PBX3: variants seen among roughly 807,000 people sequenced by gnomAD.
PBX3 encodes pre-B-cell leukemia transcription factor 3.
Under a neutral mutation model 48.5 loss-of-function variants are expected in PBX3, and 14 were observed. The ratio of observed to expected loss-of-function variants is 0.29; its 90% confidence interval spans 0.19 to 0.45. The LOEUF is 0.45. PBX3 is among the 20% of genes least tolerant of loss of function. The pLI is 1.00. For missense variants in PBX3, 386 were observed against 546.7 expected, an observed-to-expected ratio of 0.71 and a Z score of 2.93; for synonymous variants, 210 against 200.3, an observed-to-expected ratio of 1.05 and a Z score of -0.41.
At chr9:125,843,796 C>CTTCT (rs1310081071) in intron 2 of PBX3, 65 of 455,768 alleles carry the variant, frequency 1.4e-4, no homozygotes, top group African/African-American at 1.3e-3. Context: ...GCTGAGAGAA[C>CTTCT]GTCTGGGAGA....
At chr9:125,778,697 C>T (rs1588136738) in intron 2 of PBX3, among the ~76,000 whole-genome samples, 2 of 149,076 alleles carry the variant, frequency 1.3e-5, no homozygotes, top group African/African-American at 5.0e-5. Context: ...TGTGTAGACA[C>T]AGCCCGTGTC....
intron 2 of PBX3, among the ~76,000 whole-genome samples, chr9:125,872,715 A>G (rs1840155373): frequency 1.3e-5 from 2 of 151,926 alleles, no homozygotes; most frequent in South Asian, 4.2e-4. Context: ...ACCTATGATC[A>G]TGCCACTGCA....
chr9:125,962,046 T>C, intron 6 of PBX3, 56 bp from the exon 7 acceptor site: 1 of 863,066 alleles, frequency 1.2e-6, no homozygotes, highest in Admixed American at 1.8e-5. Context: ...TCTAGGTCTT[T>C]GAGGATTATG....
At chr9:125,917,044 T>C (rs1588293484) in intron 3 of PBX3, among the ~76,000 whole-genome samples, 1 of 152,142 alleles carries the variant, frequency 6.6e-6, no homozygotes, top group South Asian at 2.1e-4. Flanking sequence ...GCCACTCTTA[T>C]TTTGTGTACC....
intron 2 of PBX3, among the ~76,000 whole-genome samples, chr9:125,872,474 TCAGATAAAG>T (rs1840147830): frequency 6.6e-6 from 1 of 152,106 alleles, no homozygotes; most frequent in Non-Finnish European, 1.5e-5. Context: ...CTATGTGATA[TCAGATAAAG>T]TAAACTTGAA....
At chr9:125,929,022 T>C (rs1234347899) in intron 3 of PBX3, among the ~76,000 whole-genome samples, 1 of 152,246 alleles carries the variant, frequency 6.6e-6, no homozygotes, top group Non-Finnish European at 1.5e-5. Flanking sequence ...CATACTGTTA[T>C]TTCTAGTACC....
chr9:125,786,305 T>C (rs1055774000), intron 2 of PBX3, among the ~76,000 whole-genome samples: 8 of 151,826 alleles, frequency 5.3e-5, no homozygotes, highest in Admixed American at 2.0e-4. Flanking sequence ...TCAGGGAGAG[T>C]TCCAGGGCAT....
intron 5 of PBX3, among the ~76,000 whole-genome samples, chr9:125,959,319 T>G (rs1480118074): frequency 2.0e-5 from 3 of 152,364 alleles, no homozygotes; most frequent in Admixed American, 2.0e-4. Flanking sequence ...GGGCTTTGGC[T>G]TGTTTCTGTC....
At chr9:125,872,847 A>G (rs1840158900) in intron 2 of PBX3, among the ~76,000 whole-genome samples, 2 of 151,436 alleles carry the variant, frequency 1.3e-5, no homozygotes, top group Admixed American at 1.3e-4. Context: ...TAGACAGGAG[A>G]AGTGTAACAA....
intron 2 of PBX3, among the ~76,000 whole-genome samples, chr9:125,908,715 A>G (rs369366185): frequency 1.3e-5 from 2 of 152,098 alleles, no homozygotes; most frequent in East Asian, 1.9e-4. Flanking sequence ...CCCCCGACTT[A>G]GATTCTGAAG....
At chr9:125,955,237 C>T (rs1469008525) in intron 5 of PBX3, among the ~76,000 whole-genome samples, 2 of 152,094 alleles carry the variant, frequency 1.3e-5, no homozygotes, top group Non-Finnish European at 2.9e-5. Flanking sequence ...GGAGAACCTG[C>T]GAGCCCCCCT....
intron 2 of PBX3, among the ~76,000 whole-genome samples, chr9:125,793,366 A>AAAAAAAT (rs59271982): frequency 7.0e-4 from 71 of 101,942 alleles, no homozygotes; most frequent in African/African-American, 2.5e-3. Context: ...GGAAAAAAAA[A>AAAAAAAT]ATATATATAT....
intron 2 of PBX3, among the ~76,000 whole-genome samples, chr9:125,891,245 A>G (rs1402830040): frequency 6.6e-6 from 1 of 152,236 alleles, no homozygotes; most frequent in Non-Finnish European, 1.5e-5. Context: ...TCTTTCCCAT[A>G]TAATACATAT....
chr9:125,860,809 C>T (rs1258012874), intron 2 of PBX3, among the ~76,000 whole-genome samples: 1 of 148,422 alleles, frequency 6.7e-6, no homozygotes, highest in Admixed American at 6.8e-5. Flanking sequence ...ATCACGTGAA[C>T]CCAGGAGGCA....
At chr9:125,823,965 A>G (rs959710556) in intron 2 of PBX3, among the ~76,000 whole-genome samples, 2 of 151,880 alleles carry the variant, frequency 1.3e-5, no homozygotes, top group African/African-American at 4.8e-5. Context: ...AGTCCCAGCC[A>G]CTCAGGAGGC....
chr9:125,929,881 C>T, intron 4 of PBX3, 36 bp downstream of exon 4: 5 of 1,469,702 alleles, frequency 3.4e-6, no homozygotes, highest in Non-Finnish European at 4.7e-6. Flanking sequence ...ATGGCTTTCC[C>T]CCGTCTGTCA....
intron 2 of PBX3, among the ~76,000 whole-genome samples, chr9:125,800,973 G>A (rs1405013325): frequency 6.6e-6 from 1 of 151,910 alleles, no homozygotes; most frequent in Non-Finnish European, 1.5e-5. Context: ...GGCTGATCTC[G>A]AACTCCTGAC....
chr9:125,800,059 A>G (rs761673433), intron 2 of PBX3, among the ~76,000 whole-genome samples: 5 of 152,220 alleles, frequency 3.3e-5, no homozygotes, highest in Admixed American at 6.5e-5. Flanking sequence ...AATAAATGCT[A>G]CAAGATATTT....
Position 125,771,253 on chromosome 9 carries a change from T to C in PBX3, c.274+22630T>C, listed in dbSNP as rs1033093003. Among the ~76,000 whole-genome samples, 4 of 152,196 alleles carry C rather than the reference T, an allele frequency of 2.6e-5. No homozygotes were observed. In the South Asian group the frequency reaches 8.3e-4, roughly 31 times the overall value. On this transcript the variant is annotated intron_variant, in intron 2 of 8. Coordinates refer to ENST00000373489, the MANE Select transcript of PBX3 (RefSeq NM_006195.6). ...GTGGGAAGTACAGGTAGACACAACA[T>C]CCCAGGCTTTTTACTGGCTTATCTT...
Sources: allele counts gnomAD v4.1 joint callset (sites outside exome capture counted in the v4.1 genomes callset), GRCh38; gene constraint gnomAD v4.1.1; transcripts MANE v1.5; gene names NCBI Gene and HGNC (gene_info 2026-07-23, HGNC 2026-07-21).